Variants in TOP2A observed in about 807,000 individuals in gnomAD.
TOP2A encodes the protein DNA topoisomerase II alpha.
TOP2A carries 68 observed loss-of-function variants against 187.2 expected under a neutral mutation model. The ratio of observed to expected loss-of-function variants is 0.36; its 90% CI spans 0.30 to 0.44. TOP2A has a LOEUF of 0.44. Among genes scored for constraint, TOP2A ranks in the 20% least tolerant of loss-of-function variants. The pLI is 1.00. For synonymous variants in TOP2A, 542 were observed against 593.2 expected (o/e 0.91, Z 1.25); for missense variants, 1,196 against 1,808.7 (o/e 0.66, Z 6.14).
At chr17:40,409,194 CAAAAAAAAAAAAAAAAA>C in intron 10 of TOP2A, 1 of 73,158 alleles carries the variant, frequency 1.4e-5, no homozygotes, top group South Asian at 8.9e-5. Context: ...AACTCCGTCT[CAAAAAAAAAAAAAAAAA>C]AAAAAAAAAG....
intron 4 of TOP2A, among the ~76,000 whole-genome samples, chr17:40,414,500 T>C (rs1464785854): frequency 6.6e-6 from 1 of 152,088 alleles, no homozygotes; most frequent in Non-Finnish European, 1.5e-5. Context: ...TCATGCCTAT[T>C]ATACCCCTTT....
At position 40,398,877 on chromosome 17, in the gene TOP2A, A is replaced by G. The variant is rs1286659046; in HGVS notation, c.3349T>C (p.Ser1117Pro). Residue 1117 changes from serine to proline, a missense_variant, in exon 26 of 35, where the codon TCC (serine) becomes CCC (proline). By Grantham distance (74) the Ser-to-Pro change is moderately conservative. Coordinates refer to ENST00000423485, the MANE Select transcript of TOP2A (RefSeq NM_001067.4). ...AAGGTTGGTCCAGAATCTGTTACGG[A>G]GTCACTCTTTTCAGTTTCCTTTTCG... ...DNEKETEKSD[S>P]VTDSGPTFNY... 6.2e-7 allele frequency: 1 copy of G among 1,613,658 alleles called. No homozygotes were observed. The highest frequency in any genetic ancestry group is 8.5e-7 in the Non-Finnish European group (1 of 1,179,824).
chr17:40,392,196 C>A (rs764182417), intron 31 of TOP2A, 22 bp downstream of exon 31: 9 of 1,612,284 alleles, frequency 5.6e-6, no homozygotes, highest in Non-Finnish European at 7.6e-6. Context: ...ATGACAAAAC[C>A]CATATTAGAT....
At chr17:40,406,522 C>CA (rs761594158) in intron 15 of TOP2A, 29 bp from the exon 16 acceptor site, 3 of 1,610,304 alleles carry the variant, frequency 1.9e-6, no homozygotes, top group Non-Finnish European at 2.5e-6. Context: ...CAAGTTCCTT[C>CA]ATATAGTCTT....
chr17:40,407,137 G>A (rs1374061922), intron 13 of TOP2A, among the ~76,000 whole-genome samples, 195 bp from the exon 14 acceptor site: 12 of 152,150 alleles, frequency 7.9e-5, no homozygotes, highest in Admixed American at 2.6e-4. Flanking sequence ...GGTGGCATCC[G>A]CCTGCAATCC....
chr17:40,408,389 T>G, intron 11 of TOP2A, 103 bp downstream of exon 11: 1 of 1,229,354 alleles, frequency 8.1e-7, no homozygotes, highest in South Asian at 1.6e-5. Flanking sequence ...CTGTTGAATA[T>G]AGTTATTCTG....
chr17:40,397,935 C>T (rs2035122342), intron 27 of TOP2A, among the ~76,000 whole-genome samples: 1 of 151,334 alleles, frequency 6.6e-6, no homozygotes, highest in South Asian at 2.1e-4. Context: ...TGTGCCACTA[C>T]GCCTGGCTAA....
chr17:40,411,022 A>G lies in TOP2A; in HGVS notation c.1203+87T>C. The stretch of plus-strand genomic sequence containing the variant: ...GGAAGACTTGGAGAAGCTCACTATG[A>G]GAAGAATCATTGTTTCTGCAGAGCT... On this transcript the variant is annotated intron_variant, in intron 10 of 34. Coordinates refer to ENST00000423485, the MANE Select transcript of TOP2A (RefSeq NM_001067.4). The surrounding 1 kb of genome is among the most constrained non-coding windows in gnomAD (Gnocchi z 4.4). The G allele has an allele frequency of 7.5e-7, 1 of 1,338,532 alleles. No homozygotes were observed. Among genetic ancestry groups the G allele is most frequent in the Non-Finnish European group, 9.9e-7 (1 of 1,005,426 alleles). The allele number at this position is 1,338,532 out of a possible 1,614,324, so 82.9% of individuals were successfully genotyped here. A position where few individuals can be genotyped will look rare whatever the true frequency, so the allele number is the denominator to read the frequency against.
At chr17:40,413,146 C>T in intron 6 of TOP2A, 49 bp downstream of exon 6, 1 of 1,386,540 alleles carries the variant, frequency 7.2e-7, no homozygotes, top group Non-Finnish European at 1.0e-6. Context: ...TTATAAATGG[C>T]TATACTACTA....
intron 11 of TOP2A, among the ~76,000 whole-genome samples, 158 bp downstream of exon 11, chr17:40,408,334 T>C (rs1349064165): frequency 6.6e-6 from 1 of 152,198 alleles, no homozygotes; most frequent in Non-Finnish European, 1.5e-5. Context: ...GGAAATGACC[T>C]AAATCTTCCA....
At chr17:40,408,963 G>A in intron 10 of TOP2A, 1 of 447,564 alleles carries the variant, frequency 2.2e-6, no homozygotes, top group South Asian at 1.6e-5. Context: ...AGGAGGCCAA[G>A]GTGGGCAGAA....
chr17:40,405,635 A>AT (rs921864360), intron 16 of TOP2A, among the ~76,000 whole-genome samples: 8 of 147,642 alleles, frequency 5.4e-5, no homozygotes, highest in African/African-American at 1.3e-4. Context: ...TTTATTTTTT[A>AT]TTTTTTTTTA....
chr17:40,417,121 T>A (rs2035400112), intron 1 of TOP2A, among the ~76,000 whole-genome samples: 1 of 152,172 alleles, frequency 6.6e-6, no homozygotes, highest in Admixed American at 6.5e-5. Flanking sequence ...CAAGTGGGTC[T>A]GTCTGGAAAC....
chr17:40,409,823 T>G (rs1305430511), intron 10 of TOP2A: 3 of 163,946 alleles, frequency 1.8e-5, no homozygotes. Context: ...CTCATGGCTG[T>G]AATCCCAACA....
Position 40,391,654 on chromosome 17 carries a change from TG to T in TOP2A, c.4133-15del, listed in dbSNP as rs1345038208. 2 of 1,566,312 alleles carry T rather than the reference TG, an allele frequency of 1.3e-6. No individual in the cohort carries two copies. The highest frequency in any genetic ancestry group is 2.4e-5 in the South Asian group (2 of 82,716). ...CAGCTTCAAGGTCTATTATTTCAAA[TG>T]GAAAGGAAAATAGTACATTTAAGCA... is the stretch of plus-strand genomic sequence containing the variant. On this transcript the variant is annotated splice_polypyrimidine_tract_variant and intron_variant, in intron 32 of 34. Coordinates refer to ENST00000423485, the MANE Select transcript of TOP2A (RefSeq NM_001067.4).
At chr17:40,410,566 AG>A (rs2035309139) in intron 10 of TOP2A, 1 of 451,624 alleles carries the variant, frequency 2.2e-6, no homozygotes, top group Non-Finnish European at 4.4e-6. Flanking sequence ...ATGAAGGTTA[AG>A]AACCTATTGT....
chr17:40,404,138 G>A lies in TOP2A; in HGVS notation c.2283+14C>T. 6.2e-7 allele frequency: 1 copy of A among 1,611,122 alleles called. No homozygotes were observed. The highest frequency in any genetic ancestry group is 1.7e-5 in the Admixed American group (1 of 59,378). On this transcript the variant is annotated intron_variant, in intron 19 of 34. Transcript: ENST00000423485. The stretch of plus-strand genomic sequence containing the variant: ...TGATATAATGCTTTCTGGAAACATG[G>A]ATTGTGTGTTTACCTCACCATGATG...
chr17:40,392,512 G>C, intron 30 of TOP2A, 73 bp downstream of exon 30: 1 of 1,518,318 alleles, frequency 6.6e-7, no homozygotes, highest in South Asian at 1.3e-5. Context: ...TAATTTCTGG[G>C]GCAAAGTACC....
Position 40,389,362 on chromosome 17 carries a change from G to T in TOP2A, c.*157C>A. The T allele has an allele frequency of 1.4e-6, 1 of 739,714 alleles. No homozygotes were observed. Among genetic ancestry groups the T allele is most frequent in the Non-Finnish European group, 2.1e-6 (1 of 473,514 alleles). 45.8% of individuals were successfully genotyped at this position (739,714 alleles called of 1,614,324 possible). A position where few individuals can be genotyped will look rare whatever the true frequency, so the allele number is the denominator to read the frequency against. On this transcript the variant is annotated 3_prime_UTR_variant, in exon 35 of 35. Coordinates refer to ENST00000423485, the MANE Select transcript of TOP2A (RefSeq NM_001067.4). ...CACTATTTAGACAGTATTATAAAAA[G>T]CTAAAGAACACTTGGGCTTTACTTC... is the stretch of plus-strand genomic sequence containing the variant.
Sources: gnomAD v4.1 joint callset for allele counts (sites outside exome capture counted in the v4.1 genomes callset) on GRCh38, gnomAD v4.1.1 for gene constraint, Gnocchi (gnomAD v3.1) non-coding constraint, MANE v1.5 for transcripts, NCBI Gene and HGNC (gene_info 2026-07-23, HGNC 2026-07-21) for gene names.